PTPRT: variants seen among roughly 807,000 people sequenced by gnomAD.
PTPRT encodes protein tyrosine phosphatase receptor type T.
A neutral mutation model predicts 176.8 loss-of-function variants in PTPRT; 56 were observed. The ratio of observed to expected loss-of-function variants is 0.32; its 90% CI spans 0.26 to 0.40. The LOEUF (loss-of-function observed/expected upper bound fraction) is 0.40, where lower values mean the gene tolerates loss of function less well. PTPRT is among the 10% of genes least tolerant of loss of function. The probability of loss-of-function intolerance (pLI) is 1.00; values close to 1 mark genes in which losing one functional copy is unlikely to be tolerated. For synonymous variants in PTPRT, 783 were observed against 739.0 expected, an observed-to-expected ratio of 1.06 and a Z score of -0.96; for missense variants, 1,540 against 1,908.2, an observed-to-expected ratio of 0.81 and a Z score of 3.60.
intron 1 of PTPRT, among the ~76,000 whole-genome samples, chr20:42,936,100 A>G (rs1980172136): frequency 6.6e-6 from 1 of 152,242 alleles, no homozygotes; most frequent in South Asian, 2.1e-4. Flanking sequence ...CCTTGTCTTC[A>G]TAAAACTCAT....
intron 9 of PTPRT, among the ~76,000 whole-genome samples, chr20:42,423,070 G>T (rs2059133556): frequency 6.7e-6 from 1 of 149,586 alleles, no homozygotes; most frequent in Admixed American, 6.8e-5. Context: ...AGGAGGGAGA[G>T]GATCAGGAAA....
intron 7 of PTPRT, among the ~76,000 whole-genome samples, chr20:42,670,159 A>G (rs1043513150): frequency 2.6e-5 from 4 of 152,160 alleles, no homozygotes; most frequent in South Asian, 4.1e-4. Flanking sequence ...CCATCATGCT[A>G]CAGTGAAGGA....
intron 1 of PTPRT, among the ~76,000 whole-genome samples, chr20:43,139,220 G>C (rs913906665): frequency 1.3e-5 from 2 of 152,134 alleles, no homozygotes; most frequent in Non-Finnish European, 2.9e-5. Flanking sequence ...TCCCTGTCTT[G>C]TGCTCAGTCT....
chr20:42,610,784 T>C (rs2145822518), intron 7 of PTPRT, among the ~76,000 whole-genome samples: 1 of 152,352 alleles, frequency 6.6e-6, no homozygotes, highest in African/African-American at 2.4e-5. Context: ...TATGCAGCCA[T>C]CATTGTAAGT....
intron 9 of PTPRT, among the ~76,000 whole-genome samples, chr20:42,377,297 A>G (rs960567720): frequency 6.6e-6 from 1 of 152,100 alleles, no homozygotes. Context: ...AACTCCAGAA[A>G]TCCTCAAGTC....
intron 6 of PTPRT, among the ~76,000 whole-genome samples, chr20:42,722,484 A>G (rs1010444489): frequency 3.3e-5 from 5 of 152,184 alleles, no homozygotes; most frequent in Non-Finnish European, 5.9e-5. Flanking sequence ...CTTCTACTGT[A>G]AATGGGCTGG....
intron 18 of PTPRT, among the ~76,000 whole-genome samples, chr20:42,141,642 C>G (rs1354155260): frequency 6.6e-6 from 1 of 152,170 alleles, no homozygotes; most frequent in East Asian, 1.9e-4. Context: ...TGAGACCCAG[C>G]CTTCAGAGGT....
chr20:42,717,181 TATAATA>T (rs71335871), intron 6 of PTPRT, among the ~76,000 whole-genome samples: 23,135 of 146,192 alleles, frequency 0.16, 2,304 homozygotes, highest in African/African-American at 0.28. Context: ...AAACTTAAAG[TATAATA>T]ATAATAATAA....
chr20:42,869,563 A>G (rs1305564220), intron 2 of PTPRT, among the ~76,000 whole-genome samples: 4 of 152,118 alleles, frequency 2.6e-5, no homozygotes, highest in Admixed American at 2.0e-4. Context: ...GTTTGTCCCA[A>G]CATTGTATTT....
chr20:42,604,159 T>A (rs2073832471), intron 7 of PTPRT, among the ~76,000 whole-genome samples: 1 of 152,190 alleles, frequency 6.6e-6, no homozygotes, highest in Non-Finnish European at 1.5e-5. Context: ...GAACTCCCAC[T>A]GAAGCTGGAC....
At chr20:42,049,733 C>G in the PTPRT span, among the ~76,000 whole-genome samples, 2 of 152,102 alleles carry the variant, frequency 1.3e-5, no homozygotes, top group African/African-American at 4.8e-5. Context: ...AGAAGCACCC[C>G]CATCTCATTG....
intron 6 of PTPRT, among the ~76,000 whole-genome samples, chr20:42,701,190 G>T (rs1305450998): frequency 6.6e-6 from 1 of 152,210 alleles, no homozygotes. Context: ...TGGGAAGGAA[G>T]AGAGTGGGGA....
chr20:43,055,061 T>C (rs552601092), intron 1 of PTPRT, among the ~76,000 whole-genome samples: 11 of 152,296 alleles, frequency 7.2e-5, no homozygotes, highest in African/African-American at 2.6e-4. Context: ...ACCCTACCAT[T>C]ACAATTTCCC....
intron 1 of PTPRT, among the ~76,000 whole-genome samples, chr20:42,998,013 C>A (rs1020792556): frequency 1.2e-4 from 18 of 152,048 alleles, no homozygotes; most frequent in African/African-American, 4.3e-4. Flanking sequence ...AGCAGAGACC[C>A]CAGAGACTAT....
At chr20:42,553,056 A>T (rs2072796671) in intron 7 of PTPRT, among the ~76,000 whole-genome samples, 1 of 152,132 alleles carries the variant, frequency 6.6e-6, no homozygotes, top group African/African-American at 2.4e-5. Flanking sequence ...AATGTGAATA[A>T]GTTTTCACTT....
intron 7 of PTPRT, among the ~76,000 whole-genome samples, chr20:42,666,871 A>G (rs1010360519): frequency 1.3e-5 from 2 of 152,214 alleles, no homozygotes; most frequent in African/African-American, 4.8e-5. Flanking sequence ...GTGTCTGACC[A>G]TAGCATTGAA....
chr20:42,987,692 A>G (rs1160849459), intron 1 of PTPRT, among the ~76,000 whole-genome samples: 1 of 148,018 alleles, frequency 6.8e-6, no homozygotes. Flanking sequence ...ATCAGGAGTC[A>G]CTGCAAACTT....
At chr20:43,188,754 G>GA (rs1555845655) in intron 1 of PTPRT, among the ~76,000 whole-genome samples, 2 of 150,288 alleles carry the variant, frequency 1.3e-5, no homozygotes, top group African/African-American at 2.4e-5. Flanking sequence ...ACTCTTGGGG[G>GA]GGGGGGGGCT....
intron 6 of PTPRT, among the ~76,000 whole-genome samples, chr20:42,738,883 G>A (rs1425774141): frequency 6.6e-6 from 1 of 152,114 alleles, no homozygotes; most frequent in African/African-American, 2.4e-5. Context: ...ACTAGCCTGG[G>A]CAACATGATG....
Sources: allele counts gnomAD v4.1 joint callset (sites outside exome capture counted in the v4.1 genomes callset), GRCh38; gene constraint gnomAD v4.1.1; transcripts MANE v1.5; gene names NCBI Gene and HGNC (gene_info 2026-07-23, HGNC 2026-07-21).